Variants in CREB5 observed in about 807,000 individuals in gnomAD.
CREB5 encodes the protein cAMP responsive element binding protein 5, also known as cyclic AMP-responsive element-binding protein 5.
CREB5 carries 19 observed loss-of-function variants against 57.1 expected under a neutral mutation model. The observed-to-expected ratio is 0.33, with a 90% CI of 0.23 to 0.49. CREB5 has a LOEUF of 0.49. CREB5 is among the 20% of genes least tolerant of loss of function. The probability of loss-of-function intolerance (pLI) is 0.99; values close to 1 mark genes in which losing one functional copy is unlikely to be tolerated. For missense variants in CREB5, 579 were observed against 671.6 expected, an observed-to-expected ratio of 0.86 and a Z score of 1.52; for synonymous variants, 238 against 238.3, an observed-to-expected ratio of 1.00 and a Z score of 0.01.
intron 7 of CREB5, among the ~76,000 whole-genome samples, chr7:28,768,319 C>T (rs1227224628): frequency 6.6e-6 from 1 of 152,116 alleles, no homozygotes; most frequent in Non-Finnish European, 1.5e-5. Context: ...GGCACTTACA[C>T]CCAATGCTTT....
At chr7:28,505,593 C>A (rs965799355) in intron 3 of CREB5, among the ~76,000 whole-genome samples, 1 of 152,180 alleles carries the variant, frequency 6.6e-6, no homozygotes, top group East Asian at 1.9e-4. Context: ...TTTCTACACA[C>A]ACAACAGAGC....
intron 4 of CREB5, among the ~76,000 whole-genome samples, chr7:28,509,290 G>A (rs916221819): frequency 2.0e-5 from 3 of 152,156 alleles, no homozygotes; most frequent in African/African-American, 4.8e-5. Flanking sequence ...CCGTGGTCGG[G>A]GTGTGGTTTT....
chr7:28,734,470 T>G (rs1803861302), intron 7 of CREB5, among the ~76,000 whole-genome samples: 1 of 152,148 alleles, frequency 6.6e-6, no homozygotes, highest in Non-Finnish European at 1.5e-5. Flanking sequence ...AAGTATCTTT[T>G]GAAAACATTT....
intron 3 of CREB5, among the ~76,000 whole-genome samples, chr7:28,503,187 G>A (rs574944934): frequency 9.2e-5 from 14 of 152,252 alleles, no homozygotes; most frequent in Admixed American, 2.0e-4. Context: ...CTGCTGGATC[G>A]ATCCACAAGT....
chr7:28,729,237 A>C (rs1181794288), intron 7 of CREB5, among the ~76,000 whole-genome samples: 1 of 152,190 alleles, frequency 6.6e-6, no homozygotes, highest in Non-Finnish European at 1.5e-5. Context: ...GAGGCCCACT[A>C]AAGATTTAGG....
At chr7:28,474,587 A>C (rs532718074) in intron 1 of CREB5, among the ~76,000 whole-genome samples, 1 of 152,304 alleles carries the variant, frequency 6.6e-6, no homozygotes, top group South Asian at 2.1e-4. Flanking sequence ...TGGAAACAGT[A>C]GAGGACGGAT....
intron 5 of CREB5, among the ~76,000 whole-genome samples, chr7:28,603,313 T>TA (rs1796992918): frequency 6.6e-6 from 1 of 152,286 alleles, no homozygotes; most frequent in East Asian, 1.9e-4. Flanking sequence ...GAATGAAATC[T>TA]AAAAAAACAT....
At chr7:28,462,513 T>C (rs1480329721) in intron 1 of CREB5, among the ~76,000 whole-genome samples, 1 of 152,188 alleles carries the variant, frequency 6.6e-6, no homozygotes, top group Non-Finnish European at 1.5e-5. Flanking sequence ...TTTTCTCAAG[T>C]GGCTGCCCCG....
chr7:28,433,374 A>G (rs1788808491), intron 1 of CREB5, among the ~76,000 whole-genome samples: 1 of 152,174 alleles, frequency 6.6e-6, no homozygotes, highest in Non-Finnish European at 1.5e-5. Context: ...ATTTGCTTTT[A>G]TTTGATTAAA....
At chr7:28,420,992 AC>A (rs1190804334) in intron 1 of CREB5, among the ~76,000 whole-genome samples, 1 of 151,970 alleles carries the variant, frequency 6.6e-6, no homozygotes, top group Non-Finnish European at 1.5e-5. Flanking sequence ...ATTTGCATTC[AC>A]TTATTTTTAT....
chr7:28,634,116 T>C (rs1798313055), intron 5 of CREB5, among the ~76,000 whole-genome samples: 1 of 152,222 alleles, frequency 6.6e-6, no homozygotes, highest in Non-Finnish European at 1.5e-5. Context: ...AGTGTGATCT[T>C]GGTCTTTCCC....
chr7:28,370,771 A>T (rs1453676577), intron 1 of CREB5, among the ~76,000 whole-genome samples: 4 of 152,220 alleles, frequency 2.6e-5, no homozygotes, highest in African/African-American at 9.6e-5. Context: ...ATTTATTAGC[A>T]GTAGAAAGTT....
chr7:28,727,756 G>A (rs904597483), intron 7 of CREB5, among the ~76,000 whole-genome samples: 3 of 152,154 alleles, frequency 2.0e-5, no homozygotes, highest in African/African-American at 7.2e-5. Context: ...TACTGTATAG[G>A]ACTGATTAAA....
Position 28,354,498 on chromosome 7 carries a change from C to T in CREB5, c.-25+55057C>T, listed in dbSNP as rs187086991. Reference sequence around the variant, plus strand: ...TCCTTGCTCCTCAGCTTGCAGACGGCGTATTGTGGGACTTTGTGATCATGT... The same window carrying T: ...TCCTTGCTCCTCAGCTTGCAGACGGTGTATTGTGGGACTTTGTGATCATGT... On this transcript the variant is annotated intron_variant, in intron 1 of 9. Transcript: ENST00000396299. Among the ~76,000 whole-genome samples the T allele has an allele frequency of 1.4e-4, 21 of 152,256 alleles. No homozygotes were observed. In the South Asian group the frequency reaches 2.1e-3, roughly 15 times the overall value.
At chr7:28,343,973 A>T (rs1785986025) in intron 1 of CREB5, among the ~76,000 whole-genome samples, 1 of 150,980 alleles carries the variant, frequency 6.6e-6, no homozygotes, top group South Asian at 2.1e-4. Flanking sequence ...GCATTTTTTC[A>T]TATACCTGTT....
At chr7:28,548,763 G>A (rs374259354) in intron 4 of CREB5, among the ~76,000 whole-genome samples, 11 of 152,146 alleles carry the variant, frequency 7.2e-5, no homozygotes, top group African/African-American at 2.4e-4. Flanking sequence ...TTCTAATTAC[G>A]TATTTGTTAA....
At chr7:28,503,545 G>T (rs944921404) in intron 3 of CREB5, among the ~76,000 whole-genome samples, 3 of 151,822 alleles carry the variant, frequency 2.0e-5, no homozygotes, top group Admixed American at 6.6e-5. Context: ...GAAATTGAGG[G>T]CCATGATTCA....
At chr7:28,761,792 A>T (rs1247250859) in intron 7 of CREB5, among the ~76,000 whole-genome samples, 3 of 151,730 alleles carry the variant, frequency 2.0e-5, no homozygotes, top group Non-Finnish European at 4.4e-5. Flanking sequence ...GGAGGGGTCA[A>T]AGGTGATAAT....
intron 5 of CREB5, among the ~76,000 whole-genome samples, chr7:28,609,857 C>T (rs995757633): frequency 5.3e-5 from 8 of 152,206 alleles, no homozygotes; most frequent in Admixed American, 3.9e-4. Context: ...CACATGGGGT[C>T]AGAAGAGGAA....
Sources: allele counts gnomAD v4.1 joint callset (sites outside exome capture counted in the v4.1 genomes callset), GRCh38; gene constraint gnomAD v4.1.1; transcripts MANE v1.5; gene names NCBI Gene and HGNC (gene_info 2026-07-23, HGNC 2026-07-21).